The following GRID2 variants were observed in gnomAD, a reference collection of about 807,000 sequenced individuals.
The protein encoded by GRID2 is glutamate ionotropic receptor delta type subunit 2.
A neutral mutation model predicts 114.8 loss-of-function variants in GRID2; 33 were observed. The ratio of observed to expected loss-of-function variants is 0.29; its 90% confidence interval spans 0.22 to 0.38. The LOEUF is 0.38. GRID2 is among the 10% of genes least tolerant of loss of function. The pLI is 1.00. For synonymous variants in GRID2, 505 were observed against 449.9 expected (o/e 1.12, Z -1.55); for missense variants, 1,184 against 1,257.7 (o/e 0.94, Z 0.89).
chr4:92,459,649 AATTTT>A (rs1296127786), intron 1 of GRID2, among the ~76,000 whole-genome samples: 1 of 152,028 alleles, frequency 6.6e-6, no homozygotes, highest in African/African-American at 2.4e-5. Flanking sequence ...GTCTACCCAA[AATTTT>A]ATTCTGTTGT....
At chr4:93,322,381 A>C (rs1007089286) in intron 8 of GRID2, among the ~76,000 whole-genome samples, 5 of 151,910 alleles carry the variant, frequency 3.3e-5, no homozygotes, top group African/African-American at 1.2e-4. Flanking sequence ...TGAACTCATC[A>C]TTTTTTATGG....
chr4:92,677,925 CA>C (rs947295643), intron 2 of GRID2, among the ~76,000 whole-genome samples: 2 of 151,994 alleles, frequency 1.3e-5, no homozygotes, highest in African/African-American at 4.8e-5. Flanking sequence ...ACTGAAAATT[CA>C]TTTGATTCCC....
intron 2 of GRID2, among the ~76,000 whole-genome samples, chr4:92,874,219 T>C (rs1035433903): frequency 3.3e-5 from 5 of 152,194 alleles, no homozygotes; most frequent in Admixed American, 2.6e-4. Flanking sequence ...CTGTGACTGA[T>C]TTCGTCTTGT....
At chr4:92,808,052 G>A (rs887034139) in intron 2 of GRID2, among the ~76,000 whole-genome samples, 1 of 151,944 alleles carries the variant, frequency 6.6e-6, no homozygotes, top group Non-Finnish European at 1.5e-5. Context: ...TAATCATAAG[G>A]GTTCTTGTAA....
intron 2 of GRID2, among the ~76,000 whole-genome samples, chr4:92,735,041 A>T (rs1736525064): frequency 6.6e-6 from 1 of 152,006 alleles, no homozygotes; most frequent in Non-Finnish European, 1.5e-5. Context: ...GGCCTCCCAA[A>T]ATGCTGGGAT....
At chr4:92,882,024 GGATTA>G (rs1746057613) in intron 2 of GRID2, among the ~76,000 whole-genome samples, 2 of 152,074 alleles carry the variant, frequency 1.3e-5, no homozygotes, top group Admixed American at 1.3e-4. Context: ...CATTTAGTAA[GGATTA>G]GAGCCAGCTG....
At chr4:93,057,533 G>T (rs1016605390) in intron 2 of GRID2, among the ~76,000 whole-genome samples, 3 of 151,762 alleles carry the variant, frequency 2.0e-5, no homozygotes, top group Middle Eastern at 6.8e-3. Context: ...GATGAGGGTG[G>T]CCAGGAAAAA....
At chr4:92,648,921 A>C (rs1731777198) in intron 2 of GRID2, among the ~76,000 whole-genome samples, 1 of 144,092 alleles carries the variant, frequency 6.9e-6, no homozygotes, top group African/African-American at 2.7e-5. Flanking sequence ...TGATAAATAT[A>C]TTTCATTATT....
intron 1 of GRID2, among the ~76,000 whole-genome samples, chr4:92,433,869 C>A (rs1453452052): frequency 2.0e-5 from 3 of 152,038 alleles, no homozygotes; most frequent in Non-Finnish European, 4.4e-5. Flanking sequence ...TAAAAGATAA[C>A]ATACACATAT....
At chr4:92,579,758 A>G (rs1265102250) in intron 1 of GRID2, among the ~76,000 whole-genome samples, 1 of 151,512 alleles carries the variant, frequency 6.6e-6, no homozygotes, top group East Asian at 1.9e-4. Context: ...TTACAGTGGC[A>G]AGCATACACA....
At chr4:93,086,382 A>C (rs1049546395) in intron 3 of GRID2, among the ~76,000 whole-genome samples, 20 of 152,342 alleles carry the variant, frequency 1.3e-4, no homozygotes, top group Admixed American at 7.8e-4. Context: ...GTTACACAAG[A>C]GTCGTCCAGA....
At chr4:92,585,690 T>A (rs1728400455) in intron 1 of GRID2, among the ~76,000 whole-genome samples, 1 of 151,932 alleles carries the variant, frequency 6.6e-6, no homozygotes, top group Non-Finnish European at 1.5e-5. Context: ...TAGAGGAAAT[T>A]ATGTGCAGGA....
intron 14 of GRID2, among the ~76,000 whole-genome samples, chr4:93,660,342 A>G (rs2149736205): frequency 6.6e-6 from 1 of 152,288 alleles, no homozygotes; most frequent in Non-Finnish European, 1.5e-5. Flanking sequence ...TAGTCACCCA[A>G]AGAAGTTTTA....
chr4:92,742,188 A>G (rs1736925144), intron 2 of GRID2, among the ~76,000 whole-genome samples: 1 of 152,210 alleles, frequency 6.6e-6, no homozygotes, highest in Admixed American at 6.5e-5. Context: ...GTCAGCAGAT[A>G]GTACAATTTC....
intron 13 of GRID2, among the ~76,000 whole-genome samples, chr4:93,560,009 A>G (rs1040036173): frequency 1.3e-5 from 2 of 151,990 alleles, no homozygotes; most frequent in Non-Finnish European, 2.9e-5. Context: ...GTTCTCACTC[A>G]TAAGTGGGAG....
chr4:93,126,383 T>A (rs1734262462), intron 4 of GRID2, among the ~76,000 whole-genome samples: 1 of 151,964 alleles, frequency 6.6e-6, no homozygotes, highest in South Asian at 2.1e-4. Context: ...AACAAAAATG[T>A]GTTTACCTAA....
intron 4 of GRID2, among the ~76,000 whole-genome samples, chr4:93,154,062 A>G (rs1736958201): frequency 6.6e-6 from 1 of 152,034 alleles, no homozygotes; most frequent in Admixed American, 6.6e-5. Flanking sequence ...TATAGCAGCT[A>G]TTCCTCCTAT....
intron 14 of GRID2, among the ~76,000 whole-genome samples, chr4:93,686,324 C>G (rs1342408477): frequency 6.6e-6 from 1 of 151,960 alleles, no homozygotes; most frequent in East Asian, 1.9e-4. Context: ...CTCCTTCTCT[C>G]TATCCCCATG....
chr4:92,449,173 A>G (rs1720755883), intron 1 of GRID2, among the ~76,000 whole-genome samples: 1 of 152,082 alleles, frequency 6.6e-6, no homozygotes, highest in South Asian at 2.1e-4. Flanking sequence ...CCATGTCACT[A>G]AGGTTTTACC....
Sources: gnomAD v4.1 joint callset for allele counts (sites outside exome capture counted in the v4.1 genomes callset) on GRCh38, gnomAD v4.1.1 for gene constraint, MANE v1.5 for transcripts, NCBI Gene and HGNC (gene_info 2026-07-23, HGNC 2026-07-21) for gene names.